Variants in POF1B observed in about 807,000 individuals in gnomAD.
The protein encoded by POF1B is POF1B actin binding protein, also known as protein POF1B.
POF1B carries 53 observed loss-of-function variants against 55.3 expected under a neutral mutation model. The ratio of observed to expected loss-of-function variants is 0.96; its 90% confidence interval spans 0.77 to 1.20. The LOEUF (loss-of-function observed/expected upper bound fraction) is 1.20, where lower values mean the gene tolerates loss of function less well. Among genes scored for constraint, POF1B ranks in the 50% most tolerant of loss-of-function variants. The probability of loss-of-function intolerance (pLI) is 0.00; values close to 1 mark genes in which losing one functional copy is unlikely to be tolerated. For synonymous variants in POF1B, 188 were observed against 148.3 expected (o/e 1.27, Z -1.95); for missense variants, 478 against 420.5 (o/e 1.14, Z -1.20).
At chrX:85,376,231 T>G (rs747843298) in intron 2 of POF1B, among the ~76,000 whole-genome samples, 12 of 111,796 alleles carry the variant, frequency 1.1e-4, no homozygotes, top group Non-Finnish European at 1.9e-4. Context: ...TACCTCGAAC[T>G]TCATGAAAAC....
At chrX:85,294,617 C>A (rs909238685) in intron 15 of POF1B, among the ~76,000 whole-genome samples, 2 of 111,711 alleles carry the variant, frequency 1.8e-5, no homozygotes, top group Non-Finnish European at 3.8e-5. Context: ...ATTGGGCTTG[C>A]AAGTATTTTG....
At chrX:85,303,352 T>C in intron 15 of POF1B, 54 bp downstream of exon 15, 1 of 853,345 alleles carries the variant, frequency 1.2e-6, no homozygotes, top group Non-Finnish European at 1.7e-6. Flanking sequence ...ATGAAATAAC[T>C]TGGATTATAT....
intron 9 of POF1B, among the ~76,000 whole-genome samples, chrX:85,309,453 T>C (rs1932651522): frequency 9.0e-6 from 1 of 110,658 alleles, no homozygotes; most frequent in Non-Finnish European, 1.9e-5. Context: ...ATAAAACAAA[T>C]ATAAAAAGAC....
At chrX:85,344,644 C>T (rs1433670142) in intron 6 of POF1B, among the ~76,000 whole-genome samples, 1 of 111,483 alleles carries the variant, frequency 9.0e-6, no homozygotes, top group Non-Finnish European at 1.9e-5. Context: ...TAAAATGGCT[C>T]TTTTATGGTT....
In POF1B at chrX:85,322,636, C is replaced by T. The variant is rs201040825; in HGVS notation, c.855-6902G>A. Among the ~76,000 whole-genome samples the T allele has an allele frequency of 1.4e-3, 160 of 111,679 alleles. 3 individuals are homozygous for T. In the East Asian group the frequency reaches 0.033, roughly 23 times the overall value. ...AAGAGCTTCTGCACAGCAAAGGAAACCACCATCAGAGTGAACAGGCAACCT... is the reference window on the plus strand; with the variant it reads ...AAGAGCTTCTGCACAGCAAAGGAAATCACCATCAGAGTGAACAGGCAACCT... On this transcript the variant is annotated intron_variant, in intron 7 of 16. Transcript: ENST00000262753.
At chrX:85,294,874 G>GT (rs1932275697) in intron 15 of POF1B, among the ~76,000 whole-genome samples, 1 of 111,251 alleles carries the variant, frequency 9.0e-6, no homozygotes. Context: ...TCTTGTAGGA[G>GT]TTTTTTAATT....
intron 7 of POF1B, among the ~76,000 whole-genome samples, chrX:85,321,027 G>C (rs1439007452): frequency 9.0e-6 from 1 of 111,309 alleles, no homozygotes; most frequent in Non-Finnish European, 1.9e-5. Flanking sequence ...GGAGGAGCTG[G>C]TACCATTCCT....
chrX:85,312,368 G>A (rs1329722682), intron 9 of POF1B, among the ~76,000 whole-genome samples: 3 of 111,654 alleles, frequency 2.7e-5, no homozygotes, highest in African/African-American at 9.8e-5. Flanking sequence ...GTAAGGAAGG[G>A]GTCCAGTTTC....
intron 13 of POF1B, 26 bp from the exon 14 acceptor site, chrX:85,304,497 T>C: frequency 1.1e-6 from 1 of 948,139 alleles, no homozygotes. Flanking sequence ...GAAATAAATA[T>C]TATTATAATC....
chrX:85,325,437 G>T (rs923794599), intron 7 of POF1B, among the ~76,000 whole-genome samples: 1 of 111,823 alleles, frequency 8.9e-6, no homozygotes, highest in African/African-American at 3.3e-5. Context: ...CAAGCTCTGA[G>T]ATTTTTTGCC....
chrX:85,299,670 A>ATT (rs767634530), intron 15 of POF1B, among the ~76,000 whole-genome samples: 60 of 92,627 alleles, frequency 6.5e-4, no homozygotes, highest in African/African-American at 2.4e-3. Context: ...ACGCCTGGCT[A>ATT]ATTTTTTTTT....
In POF1B at chrX:85,379,485, A is replaced by C. The variant is rs1182727246; in HGVS notation, c.-31T>G. The C allele has an allele frequency of 1.7e-6, 2 of 1,196,796 alleles. No homozygotes were observed. The highest frequency in any genetic ancestry group is 2.3e-6 in the Non-Finnish European group (2 of 887,571). On this transcript the variant is annotated 5_prime_UTR_variant, in exon 2 of 17. Transcript: ENST00000262753. Reference sequence around the variant, plus strand: ...TCCAGTGGTCAGCAAGGGACCTCCCAGATGTTCTACCTAAGGAACAAACAG... The same window carrying C: ...TCCAGTGGTCAGCAAGGGACCTCCCCGATGTTCTACCTAAGGAACAAACAG...
intron 13 of POF1B, among the ~76,000 whole-genome samples, chrX:85,305,497 G>C (rs921792286): frequency 1.8e-5 from 2 of 110,967 alleles, no homozygotes; most frequent in African/African-American, 6.5e-5. Context: ...CTTTAGGCAA[G>C]ATCATGAAGA....
chrX:85,315,834 T>C (rs1932782792), intron 7 of POF1B, 100 bp from the exon 8 acceptor site: 1 of 637,767 alleles, frequency 1.6e-6, no homozygotes. Context: ...CTTTTTGAAA[T>C]ATAAGAGGAC....
chrX:85,331,163 T>A, intron 6 of POF1B, 84 bp from the exon 7 acceptor site: 1 of 982,071 alleles, frequency 1.0e-6, no homozygotes, highest in Non-Finnish European at 1.4e-6. Flanking sequence ...GAAAGAAAGA[T>A]AACCTACTAA....
rs1931810587 is a variant in POF1B, at chrX:85,277,631, CA to C, written c.*1789del. 1 of 110,274 alleles carries C rather than the reference CA, an allele frequency of 9.1e-6. No individual in the cohort carries two copies. Among genetic ancestry groups the C allele is most frequent in the Non-Finnish European group, 1.9e-5 (1 of 52,491 alleles). The allele number at this position is 110,274 out of a possible 1,213,427, so 9.1% of individuals were successfully genotyped here. A position where few individuals can be genotyped will look rare whatever the true frequency, so the allele number is the denominator to read the frequency against. ...CTTCTACTCTCTATATCCATGAGTT[CA>C]ATTGTTTTGACTTTTAGATCCCGCA... On this transcript the variant is annotated 3_prime_UTR_variant, in exon 17 of 17. Transcript: ENST00000262753.
chrX:85,306,234 G>T lies in POF1B; in HGVS notation c.1264C>A (p.Leu422Met). The T allele has an allele frequency of 8.3e-7, 1 of 1,204,383 alleles. No homozygotes were observed. The highest frequency in any genetic ancestry group is 1.1e-6 in the Non-Finnish European group (1 of 889,682). The change falls in exon 12 of 17, where the codon CTG becomes ATG. Residue 422 changes from leucine to methionine, a missense_variant. By Grantham distance (15) the Leu-to-Met change is conservative (BLOSUM62 2). Transcript: ENST00000262753. ...LSDMEYRLKE[L>M]EYCKRNLEQE... ...TCTAAATTACGTTTACAATATTCCA[G>T]TTCTTTTAGTCTGTATTCCATGTCT...
intron 15 of POF1B, among the ~76,000 whole-genome samples, chrX:85,284,629 T>C (rs1402823719): frequency 9.8e-6 from 1 of 102,085 alleles, no homozygotes; most frequent in Non-Finnish European, 2.0e-5. Context: ...CTGGATCCCT[T>C]CCTTACACCT....
At chrX:85,308,244 G>A (rs755558829) in intron 9 of POF1B, 28 bp from the exon 10 acceptor site, 4 of 992,337 alleles carry the variant, frequency 4.0e-6, no homozygotes, top group Admixed American at 2.9e-5. Flanking sequence ...TAATGGTTTA[G>A]TTTTATTAAC....
Sources: allele counts gnomAD v4.1 joint callset (sites outside exome capture counted in the v4.1 genomes callset), GRCh38; gene constraint gnomAD v4.1.1; transcripts MANE v1.5; gene names NCBI Gene and HGNC (gene_info 2026-07-23, HGNC 2026-07-21).